Variants in ITGA8 observed in about 807,000 individuals in gnomAD.
The protein encoded by ITGA8 is integrin subunit alpha 8.
A neutral mutation model predicts 142.3 loss-of-function variants in ITGA8; 91 were observed. That is an observed-to-expected ratio of 0.64 (90% CI 0.54 to 0.76). The LOEUF (loss-of-function observed/expected upper bound fraction) is 0.76. Among genes scored for constraint, ITGA8 ranks in the 30% least tolerant of loss-of-function variants. The probability of loss-of-function intolerance (pLI) is 0.00; values close to 1 mark genes in which losing one functional copy is unlikely to be tolerated. For synonymous variants in ITGA8, 505 were observed against 485.2 expected (o/e 1.04, Z -0.54); for missense variants, 1,406 against 1,327.7 (o/e 1.06, Z -0.92).
At chr10:15,552,030 T>C (rs1258172848) in intron 26 of ITGA8, among the ~76,000 whole-genome samples, 2 of 152,072 alleles carry the variant, frequency 1.3e-5, no homozygotes, top group African/African-American at 2.4e-5. Flanking sequence ...GCAACGCAAA[T>C]ACATACAATT....
intron 23 of ITGA8, among the ~76,000 whole-genome samples, chr10:15,579,944 A>T (rs570982938): frequency 2.3e-4 from 31 of 136,982 alleles, no homozygotes; most frequent in Non-Finnish European, 4.1e-4. Context: ...TTCTGCACAG[A>T]AGAAGTAGAA....
At position 15,715,128 on chromosome 10, in the gene ITGA8, C is replaced by T. The variant is rs150929566; in HGVS notation, c.343+3638G>A. On this transcript the variant is annotated intron_variant, in intron 2 of 29. Transcript: ENST00000378076. ...TCGGGGGAGAACAGTACGTTACTGG[C>T]ACTGAGCAGAGAGTAACTCAGGAGG... Among the ~76,000 whole-genome samples the T allele has an allele frequency of 1.1e-4, 16 of 152,068 alleles. No individual in the cohort carries two copies. The East Asian group carries it at 3.1e-3, about 29-fold the overall frequency.
chr10:15,596,980 T>C, intron 21 of ITGA8: 1 of 503,652 alleles, frequency 2.0e-6, no homozygotes, highest in South Asian at 3.5e-5. Context: ...AAGAGTAATG[T>C]ATAAAGAGAA....
chr10:15,656,942 T>C (rs1834196468), intron 10 of ITGA8, among the ~76,000 whole-genome samples: 1 of 152,190 alleles, frequency 6.6e-6, no homozygotes, highest in Admixed American at 6.5e-5. Context: ...TGGACCAAAG[T>C]AGGTGCCAGG....
intron 8 of ITGA8, among the ~76,000 whole-genome samples, chr10:15,670,456 G>A (rs1834490606): frequency 6.6e-6 from 1 of 152,176 alleles, no homozygotes; most frequent in Admixed American, 6.5e-5. Flanking sequence ...CGTGGATCTT[G>A]ACTCCAAAGA....
intron 26 of ITGA8, among the ~76,000 whole-genome samples, chr10:15,554,282 G>C (rs17137460): frequency 0.042 from 6,430 of 152,100 alleles, 349 homozygotes; most frequent in East Asian, 0.14. Context: ...TGATAACTCC[G>C]ACCGGGACCC....
chr10:15,603,454 G>A (rs1221889679), intron 20 of ITGA8, among the ~76,000 whole-genome samples: 1 of 152,108 alleles, frequency 6.6e-6, no homozygotes, highest in Non-Finnish European at 1.5e-5. Flanking sequence ...GTGAAACTTG[G>A]GCTTTACCCT....
chr10:15,598,948 C>T (rs56884289), intron 20 of ITGA8, among the ~76,000 whole-genome samples: 2,566 of 152,218 alleles, frequency 0.017, 67 homozygotes, highest in African/African-American at 0.058. Flanking sequence ...CATAACTAAC[C>T]GCTAATCATA....
intron 23 of ITGA8, among the ~76,000 whole-genome samples, chr10:15,585,824 A>T (rs1230087403): frequency 6.6e-6 from 1 of 152,192 alleles, no homozygotes; most frequent in African/African-American, 2.4e-5. Context: ...GGACCAAAGA[A>T]AAAAGATGTA....
At chr10:15,719,442 C>T in intron 1 of ITGA8, 121 bp downstream of exon 1, 2 of 843,120 alleles carry the variant, frequency 2.4e-6, no homozygotes, top group South Asian at 2.0e-5. Flanking sequence ...AGGGACGGGA[C>T]CCCGGGCAGG....
chr10:15,600,585 A>T (rs957771169), intron 20 of ITGA8, among the ~76,000 whole-genome samples: 2 of 152,184 alleles, frequency 1.3e-5, no homozygotes, highest in African/African-American at 4.8e-5. Flanking sequence ...GGGTGATATG[A>T]TCAAGGGTCT....
chr10:15,622,577 C>G (rs1398012939), intron 13 of ITGA8, among the ~76,000 whole-genome samples: 1 of 20,792 alleles, frequency 4.8e-5, no homozygotes, highest in East Asian at 1.7e-3. Flanking sequence ...TTATAGCAAA[C>G]AAAACAAAAC....
At chr10:15,656,550 G>C (rs11593786) in intron 10 of ITGA8, among the ~76,000 whole-genome samples, 26,791 of 151,810 alleles carry the variant, frequency 0.18, 2,968 homozygotes, top group Admixed American at 0.3. Context: ...TTTTAGTAGA[G>C]ATGAGGTTTC....
At chr10:15,719,361 C>T (rs1037772580) in intron 1 of ITGA8, among the ~76,000 whole-genome samples, 6 of 152,146 alleles carry the variant, frequency 3.9e-5, no homozygotes, top group Non-Finnish European at 8.8e-5. Context: ...ATGCAAGTGG[C>T]ATGTCTCTAG....
intron 4 of ITGA8, among the ~76,000 whole-genome samples, chr10:15,679,231 T>C (rs1185496117): frequency 1.3e-5 from 2 of 152,218 alleles, no homozygotes; most frequent in Non-Finnish European, 2.9e-5. Context: ...AGATGTCATC[T>C]TCTGGGCCAC....
intron 27 of ITGA8, among the ~76,000 whole-genome samples, chr10:15,547,904 G>C (rs1311072856): frequency 2.6e-5 from 4 of 152,094 alleles, no homozygotes; most frequent in Non-Finnish European, 5.9e-5. Context: ...AGTGGACTAA[G>C]TACATTTTCT....
At chr10:15,551,858 C>A (rs1833797556) in intron 26 of ITGA8, among the ~76,000 whole-genome samples, 1 of 151,954 alleles carries the variant, frequency 6.6e-6, no homozygotes, top group Non-Finnish European at 1.5e-5. Flanking sequence ...AATTTTTGAA[C>A]CAGTAAGAGA....
chr10:15,521,184 AT>A (rs139118535), intron 28 of ITGA8, among the ~76,000 whole-genome samples: 86 of 146,970 alleles, frequency 5.9e-4, no homozygotes, highest in East Asian at 1.0e-3. Flanking sequence ...ACACCCAGCT[AT>A]TTTTTTTTTT....
At chr10:15,663,040 T>C (rs901083538) in intron 8 of ITGA8, among the ~76,000 whole-genome samples, 4 of 152,202 alleles carry the variant, frequency 2.6e-5, no homozygotes, top group Non-Finnish European at 5.9e-5. Context: ...TTTTAGGGGT[T>C]CCGATCCAGT....
Sources: allele counts gnomAD v4.1 joint callset (sites outside exome capture counted in the v4.1 genomes callset), GRCh38; gene constraint gnomAD v4.1.1; transcripts MANE v1.5; gene names NCBI Gene and HGNC (gene_info 2026-07-23, HGNC 2026-07-21).